The following CSMD1 variants were observed in gnomAD, a reference collection of about 807,000 sequenced individuals.
The protein encoded by CSMD1 is CUB and sushi domain-containing protein 1.
CSMD1 carries 213 observed loss-of-function variants against 417.5 expected under a neutral mutation model. The ratio of observed to expected loss-of-function variants is 0.51; its 90% CI spans 0.46 to 0.57. The LOEUF (loss-of-function observed/expected upper bound fraction) is 0.57. CSMD1 is among the 20% of genes least tolerant of loss of function. The pLI, the probability that CSMD1 is intolerant of heterozygous loss-of-function variation, is 0.00. For synonymous variants in CSMD1, 2,862 were observed against 1,736.8 expected (o/e 1.65, Z -16.11); for missense variants, 6,923 against 4,529.7 (o/e 1.53, Z -15.17).
At chr8:4,060,442 A>T (rs539835233) in intron 3 of CSMD1, among the ~76,000 whole-genome samples, 1 of 152,188 alleles carries the variant, frequency 6.6e-6, no homozygotes, top group Admixed American at 6.5e-5. Flanking sequence ...AGTTCTGGCC[A>T]TATTGGTGAA....
chr8:4,750,230 A>G (rs917446809), intron 1 of CSMD1, among the ~76,000 whole-genome samples: 1 of 150,772 alleles, frequency 6.6e-6, no homozygotes, highest in Admixed American at 6.6e-5. Flanking sequence ...GATGGTCTCG[A>G]TCTCCCGACA....
intron 8 of CSMD1, among the ~76,000 whole-genome samples, chr8:3,591,719 G>C (rs1158918327): frequency 1.3e-5 from 2 of 152,138 alleles, no homozygotes; most frequent in Non-Finnish European, 2.9e-5. Flanking sequence ...AGATGATAGA[G>C]AGATTAGATG....
At chr8:3,729,273 G>A (rs937875423) in intron 6 of CSMD1, among the ~76,000 whole-genome samples, 5 of 152,128 alleles carry the variant, frequency 3.3e-5, no homozygotes, top group African/African-American at 2.4e-5. Flanking sequence ...TACAGGAAGT[G>A]TTCACCTCCT....
chr8:4,031,678 T>C (rs760678391), intron 4 of CSMD1, among the ~76,000 whole-genome samples: 1 of 152,180 alleles, frequency 6.6e-6, no homozygotes, highest in Non-Finnish European at 1.5e-5. Context: ...TTATCACATG[T>C]TATTACTTAC....
chr8:4,093,306 A>T (rs943986523), intron 3 of CSMD1, among the ~76,000 whole-genome samples: 1 of 152,234 alleles, frequency 6.6e-6, no homozygotes, highest in Non-Finnish European at 1.5e-5. Context: ...AATTTAAATA[A>T]ACCAGGTTTT....
chr8:3,343,096 T>C (rs1285930225), intron 23 of CSMD1, among the ~76,000 whole-genome samples, 198 bp downstream of exon 23: 1 of 152,192 alleles, frequency 6.6e-6, no homozygotes, highest in African/African-American at 2.4e-5. Flanking sequence ...TGAATTAATA[T>C]TTCCAAATAG....
chr8:4,307,276 T>C (rs1445140178), intron 3 of CSMD1, among the ~76,000 whole-genome samples: 1 of 152,070 alleles, frequency 6.6e-6, no homozygotes, highest in African/African-American at 2.4e-5. Context: ...GCTGTTGATA[T>C]CTCTCACATA....
chr8:3,561,367 G>A (rs539628420), intron 10 of CSMD1, among the ~76,000 whole-genome samples: 5 of 152,242 alleles, frequency 3.3e-5, no homozygotes, highest in African/African-American at 1.2e-4. Context: ...CAATAGCAAA[G>A]TCATAGAATC....
chr8:3,196,049 C>A (rs948220126), intron 33 of CSMD1, among the ~76,000 whole-genome samples: 1 of 152,106 alleles, frequency 6.6e-6, no homozygotes, highest in Non-Finnish European at 1.5e-5. Context: ...ATCACAAAGA[C>A]CTTCCTGACA....
chr8:3,592,299 T>C (rs965752481), intron 8 of CSMD1, among the ~76,000 whole-genome samples: 1 of 152,088 alleles, frequency 6.6e-6, no homozygotes, highest in Non-Finnish European at 1.5e-5. Context: ...ACTTCAAACA[T>C]ATACTTCAGT....
intron 5 of CSMD1, among the ~76,000 whole-genome samples, chr8:3,796,825 T>A (rs1800180631): frequency 1.3e-5 from 2 of 151,584 alleles, no homozygotes; most frequent in Admixed American, 1.3e-4. Flanking sequence ...ACATAAGAGA[T>A]AAGCTTAAAG....
At chr8:4,041,466 A>G (rs1288954785) in intron 3 of CSMD1, among the ~76,000 whole-genome samples, 2 of 152,226 alleles carry the variant, frequency 1.3e-5, no homozygotes, top group Admixed American at 6.5e-5. Flanking sequence ...CTTAAAAAGT[A>G]GTGTAAGGAT....
At chr8:3,219,948 C>G (rs910652671) in intron 28 of CSMD1, among the ~76,000 whole-genome samples, 1 of 151,850 alleles carries the variant, frequency 6.6e-6, no homozygotes, top group Non-Finnish European at 1.5e-5. Flanking sequence ...TGCAGTTCTC[C>G]CAGCCTAGGT....
intron 3 of CSMD1, among the ~76,000 whole-genome samples, chr8:4,375,751 C>T (rs73510646): frequency 6.6e-6 from 1 of 152,194 alleles, no homozygotes; most frequent in African/African-American, 2.4e-5. Flanking sequence ...TGCACCATGC[C>T]CTGCCCTGTC....
At chr8:4,348,945 C>T (rs1017201678) in intron 3 of CSMD1, among the ~76,000 whole-genome samples, 50 of 152,208 alleles carry the variant, frequency 3.3e-4, no homozygotes, top group African/African-American at 1.2e-3. Flanking sequence ...CCAGACAGTG[C>T]CCTCAGAATA....
chr8:4,807,118 A>G (rs1242960810), intron 1 of CSMD1, among the ~76,000 whole-genome samples: 3 of 152,182 alleles, frequency 2.0e-5, no homozygotes, highest in Non-Finnish European at 4.4e-5. Context: ...ATAGAAAATT[A>G]ATGGGAAATA....
At chr8:3,592,770 G>A (rs1387388143) in intron 8 of CSMD1, among the ~76,000 whole-genome samples, 3 of 152,078 alleles carry the variant, frequency 2.0e-5, no homozygotes, top group Non-Finnish European at 4.4e-5. Flanking sequence ...GAGGACTTTT[G>A]TCCTAGCACA....
At chr8:3,694,980 C>T (rs542372810) in intron 7 of CSMD1, among the ~76,000 whole-genome samples, 1 of 151,938 alleles carries the variant, frequency 6.6e-6, no homozygotes, top group Middle Eastern at 3.4e-3. Flanking sequence ...TGTATCCTAC[C>T]TGAGTTTTTA....
At chr8:4,419,673 G>A (rs1250691868) in intron 3 of CSMD1, among the ~76,000 whole-genome samples, 1 of 152,114 alleles carries the variant, frequency 6.6e-6, no homozygotes, top group Non-Finnish European at 1.5e-5. Context: ...TTAGTTTATA[G>A]TCAAATTTCT....
Sources: allele counts gnomAD v4.1 joint callset (sites outside exome capture counted in the v4.1 genomes callset), GRCh38; gene constraint gnomAD v4.1.1; transcripts MANE v1.5; gene names NCBI Gene and HGNC (gene_info 2026-07-23, HGNC 2026-07-21).